The following KLHL2 variants were observed in gnomAD, a reference collection of about 807,000 sequenced individuals.
KLHL2 encodes kelch like family member 2.
KLHL2 carries 15 observed loss-of-function variants against 75.8 expected under a neutral mutation model. The ratio of observed to expected loss-of-function variants is 0.20; its 90% confidence interval spans 0.13 to 0.30. KLHL2 has a LOEUF of 0.30. KLHL2 is among the 10% of genes least tolerant of loss of function. The pLI is 1.00. For missense variants in KLHL2, 381 were observed against 741.0 expected (o/e 0.51, Z 5.64); for synonymous variants, 214 against 251.9 (o/e 0.85, Z 1.42).
chr4:165,274,469 C>T (rs1307799196), intron 5 of KLHL2, among the ~76,000 whole-genome samples: 4 of 152,198 alleles, frequency 2.6e-5, no homozygotes, highest in South Asian at 2.1e-4. Context: ...ATTAGCCAGG[C>T]GTGGTTGCAG....
At chr4:165,235,765 A>G in intron 3 of KLHL2, among the ~76,000 whole-genome samples, 1 of 152,102 alleles carries the variant, frequency 6.6e-6, no homozygotes, top group East Asian at 1.9e-4. Flanking sequence ...CTACCTAGAG[A>G]GGTTCCAGTG....
intron 8 of KLHL2, among the ~76,000 whole-genome samples, chr4:165,304,174 C>A (rs1284238413): frequency 6.6e-6 from 1 of 152,184 alleles, no homozygotes; most frequent in Non-Finnish European, 1.5e-5. Context: ...AGCCACCATA[C>A]CTGGCCAAGA....
At chr4:165,215,431 G>A (rs1439450978) in intron 1 of KLHL2, among the ~76,000 whole-genome samples, 1 of 152,188 alleles carries the variant, frequency 6.6e-6, no homozygotes, top group African/African-American at 2.4e-5. Flanking sequence ...TGGCTGGGAA[G>A]ACAGCAGAGA....
At chr4:165,318,723 C>T (rs1746759253) in intron 14 of KLHL2, among the ~76,000 whole-genome samples, 2 of 152,088 alleles carry the variant, frequency 1.3e-5, no homozygotes, top group African/African-American at 2.4e-5. Flanking sequence ...ACAGTTGACC[C>T]TTGGACAACA....
At chr4:165,245,228 A>C (rs908571809) in intron 4 of KLHL2, among the ~76,000 whole-genome samples, 1 of 152,156 alleles carries the variant, frequency 6.6e-6, no homozygotes, top group Admixed American at 6.5e-5. Context: ...CAACAAAAAA[A>C]ACTGAGGGTA....
In KLHL2 at chr4:165,207,925, TGCGCCGCTGCGGATAAGC is replaced by T. The variant is rs780791898; in HGVS notation, c.26+36_26+53del. On this transcript the variant is annotated intron_variant, in intron 1 of 14. Transcript: ENST00000226725. This position sits in a 1 kb window ranked among gnomAD's most constrained non-coding sequence, Gnocchi z 4.2. ...CGCGTGAGTGAGCGGGCGGGCGGGC[TGCGCCGCTGCGGATAAGC>T]GCGCCGCTGCGGCGCGTGTCGCCGG... 177 of 1,399,298 alleles carry T rather than the reference TGCGCCGCTGCGGATAAGC, an allele frequency of 1.3e-4. 2 individuals carry two copies. The highest frequency in any genetic ancestry group is 9.3e-4 in the South Asian group (65 of 69,924). The allele number at this position is 1,399,298 out of a possible 1,614,324, so 86.7% of individuals were successfully genotyped here. A position where few individuals can be genotyped will look rare whatever the true frequency, so the allele number is the denominator to read the frequency against.
intron 3 of KLHL2, among the ~76,000 whole-genome samples, chr4:165,237,110 A>G (rs1413516017): frequency 1.3e-5 from 2 of 150,856 alleles, no homozygotes; most frequent in East Asian, 3.9e-4. Flanking sequence ...CTCAAGTCCA[A>G]GTGGGAATCA....
At chr4:165,244,649 A>C (rs1043544013) in intron 4 of KLHL2, among the ~76,000 whole-genome samples, 1 of 152,096 alleles carries the variant, frequency 6.6e-6, no homozygotes, top group African/African-American at 2.4e-5. Flanking sequence ...AAACAAACAA[A>C]CAAACAAAAA....
chr4:165,240,583 T>C (rs1286181401), intron 4 of KLHL2: 2 of 151,998 alleles, frequency 1.3e-5, no homozygotes, highest in Admixed American at 6.6e-5. Context: ...GTATATGTCA[T>C]GAGATCACTG....
In KLHL2 at chr4:165,299,741, C is replaced by T. The variant is rs918426611; in HGVS notation, c.921+85C>T. On this transcript the variant is annotated intron_variant, in intron 8 of 14. Coordinates refer to ENST00000226725, the MANE Select transcript of KLHL2 (RefSeq NM_007246.4). The stretch of plus-strand genomic sequence containing the variant: ...TTAGTATTTTGCTCATTTGAATTTC[C>T]GTGATTTATTGTTTTAGTTTTCCTT... The T allele has an allele frequency of 1.8e-5, 22 of 1,230,282 alleles. No individual in the cohort carries two copies. The Admixed American group carries it at 3.6e-4, about 20-fold the overall frequency. 76.2% of individuals were successfully genotyped at this position (1,230,282 alleles called of 1,614,324 possible).
chr4:165,213,664 G>A lies in KLHL2; in HGVS notation c.26+5762G>A, dbSNP rs144959764. ...TACCTTCCTGTTTAGATGGTAAATGGAGGAAGATCTCAATTCAGCCTTCCT... is the reference window on the plus strand; with the variant it reads ...TACCTTCCTGTTTAGATGGTAAATGAAGGAAGATCTCAATTCAGCCTTCCT... On this transcript the variant is annotated intron_variant, in intron 1 of 14. Coordinates refer to ENST00000226725, the MANE Select transcript of KLHL2 (RefSeq NM_007246.4). Among the ~76,000 whole-genome samples the A allele has an allele frequency of 4.5e-3, 689 of 152,292 alleles. 5 individuals are homozygous for A. Among genetic ancestry groups the A allele is most frequent in the African/African-American group, 0.015 (636 of 41,560 alleles).
At chr4:165,278,207 G>A in intron 5 of KLHL2, 1 of 1,238,194 alleles carries the variant, frequency 8.1e-7, no homozygotes, top group Non-Finnish European at 1.2e-6. Context: ...CGTGACGGCG[G>A]ACAAATCCTC....
intron 5 of KLHL2, among the ~76,000 whole-genome samples, chr4:165,283,997 G>A (rs1190876954): frequency 2.6e-5 from 4 of 152,310 alleles, no homozygotes; most frequent in East Asian, 1.9e-4. Flanking sequence ...TTTCAGCCAC[G>A]GCTGGAGTGG....
chr4:165,298,667 G>A (rs566189420), intron 7 of KLHL2, among the ~76,000 whole-genome samples: 2 of 151,960 alleles, frequency 1.3e-5, no homozygotes, highest in South Asian at 4.2e-4. Context: ...GGGTGGGTGC[G>A]GTCAGTGGCT....
Position 165,317,988 on chromosome 4 carries a change from G to A in KLHL2, c.1753+19G>A. 1 of 1,607,354 alleles carries A rather than the reference G, an allele frequency of 6.2e-7. No homozygotes were observed. The highest frequency in any genetic ancestry group is 8.5e-7 in the Non-Finnish European group (1 of 1,177,522). ...TATGCAGGTAACAGTTGTCTCTAAA[G>A]TCAATTTCCGTACAAAAAGATGACC... On this transcript the variant is annotated intron_variant, in intron 14 of 14. Transcript: ENST00000226725.
At chr4:165,225,910 T>C (rs1738398257) in intron 2 of KLHL2, among the ~76,000 whole-genome samples, 1 of 152,220 alleles carries the variant, frequency 6.6e-6, no homozygotes, top group African/African-American at 2.4e-5. Context: ...TTTAACCTTA[T>C]TAGTTAACTA....
Position 165,251,059 on chromosome 4 carries a change from T to C in KLHL2, c.382-12138T>C, listed in dbSNP as rs199940809. Among the ~76,000 whole-genome samples the C allele has an allele frequency of 3.7e-4, 54 of 147,436 alleles. 2 individuals are homozygous for C. The East Asian group carries it at 7.6e-3, about 21-fold the overall frequency. The stretch of plus-strand genomic sequence containing the variant: ...TTCCATTTCTGTTTTCTTTCTCTTA[T>C]GGGATAGAAGTCCTTTGTGAGTAAA... On this transcript the variant is annotated intron_variant, in intron 4 of 14. Coordinates refer to ENST00000226725, the MANE Select transcript of KLHL2 (RefSeq NM_007246.4).
chr4:165,290,270 G>A (rs1744408858), intron 5 of KLHL2, among the ~76,000 whole-genome samples: 1 of 151,934 alleles, frequency 6.6e-6, no homozygotes, highest in South Asian at 2.1e-4. Flanking sequence ...AGTCTCCCAA[G>A]TAGTTGGGAC....
chr4:165,247,309 CTAAGAA>C (rs1205446340), intron 4 of KLHL2, among the ~76,000 whole-genome samples: 1 of 152,068 alleles, frequency 6.6e-6, no homozygotes, highest in Non-Finnish European at 1.5e-5. Flanking sequence ...TTGGAGTGGA[CTAAGAA>C]TAAGTGGACT....
Sources: allele counts gnomAD v4.1 joint callset (sites outside exome capture counted in the v4.1 genomes callset), GRCh38; gene constraint gnomAD v4.1.1; non-coding constraint Gnocchi (gnomAD v3.1); transcripts MANE v1.5; gene names NCBI Gene and HGNC (gene_info 2026-07-23, HGNC 2026-07-21).